Variants in CDC7 observed in about 807,000 individuals in gnomAD.
CDC7 encodes cell division cycle 7-related protein kinase.
CDC7 carries 34 observed loss-of-function variants against 53.5 expected under a neutral mutation model. The observed-to-expected ratio is 0.64, with a 90% CI of 0.48 to 0.85. The LOEUF (loss-of-function observed/expected upper bound fraction) is 0.85. Ranked by LOEUF, CDC7 falls within the 40% of genes least tolerant of loss-of-function variation. The pLI, the probability that CDC7 is intolerant of heterozygous loss-of-function variation, is 0.00. For missense variants in CDC7, 594 were observed against 679.7 expected (o/e 0.87, Z 1.40); for synonymous variants, 211 against 222.8 (o/e 0.95, Z 0.47).
intron 7 of CDC7, 119 bp from the exon 8 acceptor site, chr1:91,513,829 T>G: frequency 1.5e-6 from 1 of 650,196 alleles, no homozygotes; most frequent in Non-Finnish European, 2.7e-6. Flanking sequence ...TGAGAATGAC[T>G]TGGATGCAGC....
chr1:91,514,162 C>A, intron 8 of CDC7, 119 bp downstream of exon 8: 1 of 582,992 alleles, frequency 1.7e-6, no homozygotes. Context: ...TTGGCTTTGG[C>A]AGAAGGTATT....
chr1:91,508,305 A>G lies in CDC7; in HGVS notation c.243A>G (p.Val81=), dbSNP rs375265579. 57 of 1,612,176 alleles carry G rather than the reference A, an allele frequency of 3.5e-5. No individual in the cohort carries two copies. The Admixed American group carries it at 4.5e-4, about 13-fold the overall frequency. ...ATTTGGCCACAGCACAGTTACAAGTAGGACCTGAAGAGAAAATTGCTCTAA... is the reference window on the plus strand; with the variant it reads ...ATTTGGCCACAGCACAGTTACAAGTGGGACCTGAAGAGAAAATTGCTCTAA... ...SVYLATAQLQ[V]GPEEKIALKH... Residue 81 remains valine, a synonymous_variant, in exon 4 of 12, where the codon GTA becomes GTG. Transcript: ENST00000234626.
At chr1:91,514,772 C>G in intron 8 of CDC7, 47 bp from the exon 9 acceptor site, 2 of 1,427,034 alleles carry the variant, frequency 1.4e-6, no homozygotes, top group Non-Finnish European at 1.9e-6. Context: ...TTTAGGACAT[C>G]ATGTTTAATA....
chr1:91,516,455 C>G (rs191868158), intron 10 of CDC7, among the ~76,000 whole-genome samples: 1 of 152,152 alleles, frequency 6.6e-6, no homozygotes, highest in Admixed American at 6.5e-5. Context: ...CTGCTATTCA[C>G]TTGGATTATG....
chr1:91,524,020 T>A, intron 11 of CDC7, 21 bp from the exon 12 acceptor site: 1 of 1,556,014 alleles, frequency 6.4e-7, no homozygotes, highest in Middle Eastern at 1.7e-4. Context: ...CTGTTTTTGT[T>A]TTTTCTTCTT....
Position 91,524,415 on chromosome 1 carries a change from T to C in CDC7, c.1705T>C (p.Phe569Leu). Residue 569 changes from phenylalanine to leucine, a missense_variant, in exon 12 of 12, where the codon TTT (phenylalanine) becomes CTT (leucine). By Grantham distance (22) the Phe-to-Leu change is conservative. Coordinates refer to ENST00000234626, the MANE Select transcript of CDC7 (RefSeq NM_003503.4). ...AGAAGAAGCTTTGTTGCATCCATTT[T>C]TTAAAGATATGAGCTTGTGATAATG... ...TAEEALLHPF[F>L]KDMSL 6.2e-7 allele frequency: 1 copy of C among 1,607,920 alleles called. No homozygotes were observed. The highest frequency in any genetic ancestry group is 8.5e-7 in the Non-Finnish European group (1 of 1,179,090).
chr1:91,501,606 G>A (rs1273021704), intron 1 of CDC7, 48 bp from the exon 2 acceptor site: 6 of 788,520 alleles, frequency 7.6e-6, no homozygotes, highest in Non-Finnish European at 1.1e-5. Flanking sequence ...TTTTTAGTGC[G>A]TGGTTTAGCG....
At chr1:91,501,131 G>C (rs975079829) in intron 1 of CDC7, 183 bp downstream of exon 1, 5 of 152,346 alleles carry the variant, frequency 3.3e-5, no homozygotes, top group African/African-American at 1.2e-4. Flanking sequence ...TCTGGCCCGA[G>C]GGAAGCCGGT....
Position 91,515,043 on chromosome 1 carries a change from T to G in CDC7, c.1097+46T>G, listed in dbSNP as rs750927369. On this transcript the variant is annotated intron_variant, in intron 9 of 11. Coordinates refer to ENST00000234626, the MANE Select transcript of CDC7 (RefSeq NM_003503.4). Reference sequence around the variant, plus strand: ...TATAAAATCACCAGCATGCTGCCATTAGAAATTGCATTGACTTGGGTGGAT... The same window carrying G: ...TATAAAATCACCAGCATGCTGCCATGAGAAATTGCATTGACTTGGGTGGAT... 1.2e-5 allele frequency: 19 copies of G among 1,543,258 alleles called. No individual in the cohort carries two copies. In the African/African-American group the frequency reaches 2.6e-4, roughly 21 times the overall value.
intron 2 of CDC7, among the ~76,000 whole-genome samples, chr1:91,502,346 C>G (rs1040669875): frequency 1.3e-5 from 2 of 152,148 alleles, no homozygotes; most frequent in Non-Finnish European, 2.9e-5. Flanking sequence ...CTTGTACACT[C>G]GCATGTGTAC....
At chr1:91,518,091 C>A (rs71668088) in intron 10 of CDC7, among the ~76,000 whole-genome samples, 5 of 1,308 alleles carry the variant, frequency 3.8e-3, no homozygotes, top group African/African-American at 4.8e-3. Flanking sequence ...GAGACTCAGT[C>A]TCAAAAAAAA....
chr1:91,514,832 C>A lies in CDC7; in HGVS notation c.932C>A (p.Ser311Ter). 1 of 1,602,954 alleles carries A rather than the reference C, an allele frequency of 6.2e-7. No individual in the cohort carries two copies. The highest frequency in any genetic ancestry group is 1.1e-5 in the South Asian group (1 of 89,062). ...TTTCTTTTACAGCTCATGAAGCAGT[C>A]AAAGACTGTGGATGTACTGTCTAGA... Reference protein sequence around the residue: ...ESPAVKLMKQSKTVDVLSRKL... With the variant: ...ESPAVKLMKQ The change falls in exon 9 of 12, where the codon TCA (serine) becomes TAA (stop). Residue 311 changes from serine (S) to a stop codon, truncating the protein, a stop_gained. Coordinates refer to ENST00000234626, the MANE Select transcript of CDC7 (RefSeq NM_003503.4). LOFTEE classifies it high-confidence loss of function.
chr1:91,508,383 C>T lies in CDC7; in HGVS notation c.321C>T (p.Cys107=), dbSNP rs777404318. 3 of 1,609,978 alleles carry T rather than the reference C, an allele frequency of 1.9e-6. No individual in the cohort carries two copies. The South Asian group carries it at 3.3e-5, about 18-fold the overall frequency. Residue 107 remains cysteine, a synonymous_variant, in exon 4 of 12, where the codon TGC becomes TGT. Transcript: ENST00000234626. ...TAAGAATTGCAGCTGAACTTCAGTG[C>T]CTAACAGTGGCTGGGTAGGCAATTT... ...HPIRIAAELQ[C]LTVAGGQDNV... is the part of the protein sequence containing the mutation.
At chr1:91,512,296 G>A (rs1346127714) in intron 6 of CDC7, among the ~76,000 whole-genome samples, 1 of 152,052 alleles carries the variant, frequency 6.6e-6, no homozygotes, top group African/African-American at 2.4e-5. Flanking sequence ...TTTGTGATTG[G>A]AAAGGGAAAT....
chr1:91,507,901 AG>A lies in CDC7; in HGVS notation c.164del (p.Ser55IlefsTer27). On this transcript the variant is annotated frameshift_variant, in exon 3 of 12. Coordinates refer to ENST00000234626, the MANE Select transcript of CDC7 (RefSeq NM_003503.4). LOFTEE classifies it high-confidence loss of function. ...EKLYEAVPQL[S>X]NVFKIEDKIG... ...GCTTTATGAAGCTGTACCACAGCTTAGTAATGTGTTTAAGATTGAGGACAAA... is the reference window on the plus strand; with the variant it reads ...GCTTTATGAAGCTGTACCACAGCTTATAATGTGTTTAAGATTGAGGACAAA... 1 of 1,518,132 alleles carries A rather than the reference AG, an allele frequency of 6.6e-7. No homozygotes were observed. Among genetic ancestry groups the A allele is most frequent in the Non-Finnish European group, 9.0e-7 (1 of 1,109,430 alleles). 94.0% of individuals were successfully genotyped at this position (1,518,132 alleles called of 1,614,324 possible).
At chr1:91,507,987 C>A (rs763241301) in intron 3 of CDC7, 50 bp downstream of exon 3, 2 of 1,479,156 alleles carry the variant, frequency 1.4e-6, no homozygotes, top group African/African-American at 1.4e-5. Context: ...TTTTTCCATT[C>A]TATTTTCCTT....
chr1:91,518,968 G>A (rs1188864299), intron 10 of CDC7, among the ~76,000 whole-genome samples: 2 of 151,358 alleles, frequency 1.3e-5, no homozygotes, highest in Non-Finnish European at 2.9e-5. Context: ...GGCTGAGGTG[G>A]GAGGATCACT....
At chr1:91,510,215 C>T (rs1667207734) in intron 4 of CDC7, among the ~76,000 whole-genome samples, 1 of 146,344 alleles carries the variant, frequency 6.8e-6, no homozygotes, top group African/African-American at 2.5e-5. Context: ...CAAGACCCTG[C>T]CTCTGAGAAA....
chr1:91,513,976 G>GC lies in CDC7; in HGVS notation c.852dup (p.Ser285LeufsTer17). Reference sequence around the variant, plus strand: ...GGATCTGTAGGCCTTTCTGTCCAGCGCTCTGTTTTTGGAGAAAGAAATTTC... The same window carrying GC: ...GGATCTGTAGGCCTTTCTGTCCAGCGCCTCTGTTTTTGGAGAAAGAAATTTC... On this transcript the variant is annotated frameshift_variant, in exon 8 of 12. Coordinates refer to ENST00000234626, the MANE Select transcript of CDC7 (RefSeq NM_003503.4). LOFTEE classifies it high-confidence loss of function. The GC allele has an allele frequency of 6.2e-7, 1 of 1,612,058 alleles. No individual in the cohort carries two copies.
Sources: gnomAD v4.1 joint callset for allele counts (sites outside exome capture counted in the v4.1 genomes callset) on GRCh38, gnomAD v4.1.1 for gene constraint, MANE v1.5 for transcripts, NCBI Gene and HGNC (gene_info 2026-07-23, HGNC 2026-07-21) for gene names.